Variants in XCR1 observed in about 807,000 individuals in gnomAD.
XCR1 encodes the protein X-C motif chemokine receptor 1.
For missense variants in XCR1, 356 were observed against 424.2 expected (o/e 0.84, Z 1.41); for synonymous variants, 187 against 188.5 (o/e 0.99, Z 0.06).
intron 5 of XCR1, among the ~76,000 whole-genome samples, chr3:46,039,693 C>G (rs1697502070): frequency 6.6e-6 from 1 of 152,128 alleles, no homozygotes; most frequent in Non-Finnish European, 1.5e-5. Flanking sequence ...GAACGGTTTT[C>G]CTAAGACGCA....
chr3:46,073,791 A>T (rs893928088), intron 3 of XCR1, among the ~76,000 whole-genome samples: 1 of 152,190 alleles, frequency 6.6e-6, no homozygotes, highest in Non-Finnish European at 1.5e-5. Flanking sequence ...ATTTTAAAAG[A>T]AGATATACAA....
upstream of XCR1, among the ~76,000 whole-genome samples, chr3:46,028,490 C>G (rs534130436): frequency 5.5e-4 from 83 of 151,376 alleles, 1 homozygote; most frequent in African/African-American, 2.0e-3. Flanking sequence ...AGATCCTTAT[C>G]AGAGATATGA....
At chr3:46,025,718 T>C (rs964028215) in intron 1 of XCR1, among the ~76,000 whole-genome samples, 2 of 152,194 alleles carry the variant, frequency 1.3e-5, no homozygotes, top group Non-Finnish European at 2.9e-5. Context: ...AACTAGAGGA[T>C]TTTTCTAGTG....
At chr3:46,024,036 A>G in intron 1 of XCR1, 1 of 1,254,078 alleles carries the variant, frequency 8.0e-7, no homozygotes, top group South Asian at 1.2e-5. Flanking sequence ...AGTTTGCAGC[A>G]AATGCCGGGA....
At chr3:46,023,186 G>C in intron 1 of XCR1, 1 of 456,156 alleles carries the variant, frequency 2.2e-6, no homozygotes, top group South Asian at 3.8e-5. Flanking sequence ...GAAGTGGAGA[G>C]ATTGTTGCTC....
chr3:46,080,364 C>T (rs974643767), intron 1 of XCR1, among the ~76,000 whole-genome samples: 1 of 152,130 alleles, frequency 6.6e-6, no homozygotes, highest in African/African-American at 2.4e-5. Flanking sequence ...TTACATCAGA[C>T]AATAGATACC....
intron 1 of XCR1, among the ~76,000 whole-genome samples, chr3:46,081,715 T>C (rs1698368426): frequency 6.6e-6 from 1 of 151,882 alleles, no homozygotes; most frequent in Admixed American, 6.6e-5. Context: ...TTAAAAATCT[T>C]ATTCTAGATT....
At chr3:46,034,596 A>T (rs1013966979) in intron 5 of XCR1, among the ~76,000 whole-genome samples, 36 of 152,282 alleles carry the variant, frequency 2.4e-4, no homozygotes, top group African/African-American at 8.2e-4. Context: ...GGTTTTCTTT[A>T]AAAAATTATA....
At chr3:46,068,018 G>T (rs73830725) in intron 3 of XCR1, among the ~76,000 whole-genome samples, 1,935 of 152,270 alleles carry the variant, frequency 0.013, 51 homozygotes, top group African/African-American at 0.043. Context: ...TTTAAGCAGG[G>T]GAATAAGGTC....
At chr3:46,072,423 G>A (rs1417855593) in intron 3 of XCR1, among the ~76,000 whole-genome samples, 1 of 152,196 alleles carries the variant, frequency 6.6e-6, no homozygotes, top group Non-Finnish European at 1.5e-5. Context: ...GGGAGGCTGA[G>A]GTGGGAAGAT....
rs1708114075 is a variant in XCR1, at chr3:46,020,283, T to C, written c.*663A>G. ...AGTGCAGAAGGTAGCACTTATTAAATTCATTCCTTCAATCAAATATTTATG... is the reference window on the plus strand; with the variant it reads ...AGTGCAGAAGGTAGCACTTATTAAACTCATTCCTTCAATCAAATATTTATG... On this transcript the variant is annotated 3_prime_UTR_variant, in exon 2 of 2. Transcript: ENST00000309285. 1 of 152,468 alleles carries C rather than the reference T, an allele frequency of 6.6e-6. No individual in the cohort carries two copies. The highest frequency in any genetic ancestry group is 1.5e-5 in the Non-Finnish European group (1 of 68,238). The allele number at this position is 152,468 out of a possible 1,614,324, so 9.4% of individuals were successfully genotyped here. A position where few individuals can be genotyped will look rare whatever the true frequency, so the allele number is the denominator to read the frequency against.
intron 5 of XCR1, among the ~76,000 whole-genome samples, chr3:46,052,083 C>T (rs1215011747): frequency 6.6e-6 from 1 of 152,128 alleles, no homozygotes; most frequent in African/African-American, 2.4e-5. Flanking sequence ...GAGTCAACAA[C>T]TCCTGGGACT....
At chr3:46,058,280 G>C (rs1179304869) in intron 4 of XCR1, among the ~76,000 whole-genome samples, 1 of 152,112 alleles carries the variant, frequency 6.6e-6, no homozygotes, top group Admixed American at 6.6e-5. Flanking sequence ...ATACCTTTGG[G>C]GCATTTAGTC....
intron 2 of XCR1, among the ~76,000 whole-genome samples, chr3:46,076,175 A>G (rs1415845726): frequency 6.6e-6 from 1 of 152,158 alleles, no homozygotes; most frequent in Non-Finnish European, 1.5e-5. Context: ...CCCAGGGGAG[A>G]CTTGGATTTT....
rs1708120782 is a variant in XCR1, at chr3:46,020,592, G to T, written c.*354C>A. 1 of 278,082 alleles carries T rather than the reference G, an allele frequency of 3.6e-6. No homozygotes were observed. Among genetic ancestry groups the T allele is most frequent in the East Asian group, 8.3e-5 (1 of 12,030 alleles). The allele number at this position is 278,082 out of a possible 1,614,324, so 17.2% of individuals were successfully genotyped here. ...GTTATCACAATGAGCTTTAGGCCCT[G>T]TAAAGTCTCCAAGGAAGCACCTTTC... On this transcript the variant is annotated 3_prime_UTR_variant, in exon 2 of 2. Coordinates refer to ENST00000309285, the MANE Select transcript of XCR1 (RefSeq NM_001024644.2).
intron 3 of XCR1, among the ~76,000 whole-genome samples, chr3:46,068,049 G>A (rs921100039): frequency 3.3e-5 from 5 of 152,202 alleles, no homozygotes; most frequent in Non-Finnish European, 7.3e-5. Flanking sequence ...TCACTAGGAT[G>A]CTCTTGGCTG....
chr3:46,074,842 G>A (rs1222433951), intron 2 of XCR1, among the ~76,000 whole-genome samples: 1 of 152,064 alleles, frequency 6.6e-6, no homozygotes, highest in Non-Finnish European at 1.5e-5. Flanking sequence ...CAACTGTACT[G>A]TGAACAACTC....
chr3:46,025,252 A>G (rs891212416), intron 1 of XCR1, among the ~76,000 whole-genome samples: 3 of 149,248 alleles, frequency 2.0e-5, no homozygotes, highest in African/African-American at 7.8e-5. Flanking sequence ...TACATTGATA[A>G]AATCAGCAAG....
intron 5 of XCR1, among the ~76,000 whole-genome samples, chr3:46,035,432 C>A (rs114734923): frequency 1.3e-5 from 2 of 152,224 alleles, no homozygotes; most frequent in Non-Finnish European, 2.9e-5. Flanking sequence ...GTGCCATGAG[C>A]AACGGGACCT....
Sources: allele counts gnomAD v4.1 joint callset (sites outside exome capture counted in the v4.1 genomes callset), GRCh38; gene constraint gnomAD v4.1.1; transcripts MANE v1.5; gene names NCBI Gene and HGNC (gene_info 2026-07-23, HGNC 2026-07-21).